The following NOL4 variants were observed in gnomAD, a reference collection of about 807,000 sequenced individuals.
NOL4 encodes nucleolar protein 4.
In NOL4, 17 loss-of-function variants were observed where a neutral mutation model predicts 75.9. The observed-to-expected ratio is 0.22, with a 90% CI of 0.15 to 0.34. The LOEUF (loss-of-function observed/expected upper bound fraction) is 0.34, where lower values mean the gene tolerates loss of function less well. Among genes scored for constraint, NOL4 ranks in the 10% least tolerant of loss-of-function variants. The probability of loss-of-function intolerance (pLI) is 1.00; values close to 1 mark genes in which losing one functional copy is unlikely to be tolerated. For missense variants in NOL4, 614 were observed against 793.5 expected, an observed-to-expected ratio of 0.77 and a Z score of 2.72; for synonymous variants, 292 against 289.9, an observed-to-expected ratio of 1.01 and a Z score of -0.07.
chr18:34,210,498 T>C (rs1348167477), intron 1 of NOL4, among the ~76,000 whole-genome samples: 2 of 152,210 alleles, frequency 1.3e-5, no homozygotes, highest in Non-Finnish European at 2.9e-5. Context: ...ACATAACCAA[T>C]GCTATGCCTG....
intron 2 of NOL4, among the ~76,000 whole-genome samples, chr18:34,113,959 C>G (rs998920021): frequency 6.6e-6 from 1 of 152,108 alleles, no homozygotes; most frequent in African/African-American, 2.4e-5. Context: ...GGGACATGTC[C>G]CTCAAGGTAG....
intron 1 of NOL4, among the ~76,000 whole-genome samples, chr18:34,176,885 A>ACTGCCAGT (rs2033599255): frequency 6.6e-6 from 1 of 152,064 alleles, no homozygotes; most frequent in Non-Finnish European, 1.5e-5. Flanking sequence ...TACATCACAA[A>ACTGCCAGT]CTGTCAGTAG....
At chr18:34,070,756 T>C (rs1445297355) in intron 5 of NOL4, among the ~76,000 whole-genome samples, 3 of 152,120 alleles carry the variant, frequency 2.0e-5, no homozygotes, top group Admixed American at 6.6e-5. Flanking sequence ...GAAAGAAACA[T>C]AGCTTAAAAG....
intron 6 of NOL4, among the ~76,000 whole-genome samples, chr18:33,973,766 G>T (rs2071267041): frequency 6.6e-6 from 1 of 152,202 alleles, no homozygotes; most frequent in Admixed American, 6.6e-5. Flanking sequence ...ATTCTGACCA[G>T]TAAGTCTCAA....
chr18:34,185,615 A>C lies in NOL4; in HGVS notation c.264+37375T>G, dbSNP rs534965518. 3.3e-5 allele frequency among the ~76,000 whole-genome samples: 5 copies of C among 152,316 alleles called. No homozygotes were observed. In the South Asian group the frequency reaches 1.0e-3, roughly 32 times the overall value. On this transcript the variant is annotated intron_variant, in intron 1 of 10. Coordinates refer to ENST00000261592, the MANE Select transcript of NOL4 (RefSeq NM_003787.5). ...AAGCTTTTCAGCTCTTGTCAGACCC[A>C]ACTCTACTCTTTTCAATTGTGTTCC...
chr18:33,877,018 C>T (rs1408607328), intron 10 of NOL4, among the ~76,000 whole-genome samples: 1 of 152,010 alleles, frequency 6.6e-6, no homozygotes, highest in African/African-American at 2.4e-5. Flanking sequence ...GTGTTTTGAT[C>T]TTTGTTGTTG....
chr18:34,091,136 G>A (rs1452717360), intron 5 of NOL4, among the ~76,000 whole-genome samples: 1 of 151,020 alleles, frequency 6.6e-6, no homozygotes, highest in East Asian at 2.0e-4. Context: ...GATAACTTGA[G>A]GTCAGGAGTT....
At chr18:34,133,980 G>A (rs1050540954) in intron 1 of NOL4, among the ~76,000 whole-genome samples, 1 of 152,070 alleles carries the variant, frequency 6.6e-6, no homozygotes, top group Non-Finnish European at 1.5e-5. Context: ...CTGAGATCAC[G>A]CCACTGCACT....
intron 5 of NOL4, among the ~76,000 whole-genome samples, chr18:34,074,217 T>G (rs2145302791): frequency 6.6e-6 from 1 of 151,838 alleles, no homozygotes; most frequent in African/African-American, 2.4e-5. Context: ...ATATTCATAT[T>G]TTTTAATATT....
intron 10 of NOL4, among the ~76,000 whole-genome samples, chr18:33,860,207 C>A (rs893530107): frequency 6.6e-6 from 1 of 152,042 alleles, no homozygotes; most frequent in African/African-American, 2.4e-5. Context: ...AGGTCCCTCC[C>A]AAAACACATG....
rs2074921423 is a variant in NOL4, at chr18:34,019,599, C to A, written c.775G>T (p.Asp259Tyr). The A allele has an allele frequency of 6.2e-7, 1 of 1,608,512 alleles. No individual in the cohort carries two copies. The highest frequency in any genetic ancestry group is 2.2e-5 in the East Asian group (1 of 44,708). ...PQNLHGQQDD[D>Y]SAAESFNGNE... ...CCATTAAAGCTCTCTGCAGCAGAATCATCTGTTGGAAAGGAAAAGTTATAT... is the reference window on the plus strand; with the variant it reads ...CCATTAAAGCTCTCTGCAGCAGAATAATCTGTTGGAAAGGAAAAGTTATAT... Residue 259 changes from aspartate to tyrosine, a missense_variant and splice_region_variant, in exon 6 of 11, where the codon GAT becomes TAT. By Grantham distance (160) the Asp-to-Tyr change is radical. Transcript: ENST00000261592.
Position 34,086,518 on chromosome 18 carries a change from A to T in NOL4, c.772+6947T>A, listed in dbSNP as rs146240093. Among the ~76,000 whole-genome samples the T allele has an allele frequency of 5.4e-3, 824 of 152,244 alleles. 8 individuals are homozygous for T. The highest frequency in any genetic ancestry group is 0.018 in the African/African-American group (762 of 41,546). On this transcript the variant is annotated intron_variant, in intron 5 of 10. Transcript: ENST00000261592. ...CTGAATTTAATTTCCTATTCAGTAT[A>T]CTGTTTTACATCACTTTTATTAAAA...
chr18:33,871,873 G>A (rs980621710), intron 10 of NOL4, among the ~76,000 whole-genome samples: 1 of 152,026 alleles, frequency 6.6e-6, no homozygotes, highest in African/African-American at 2.4e-5. Context: ...GGCCTTTCTT[G>A]GAGGCTTTCT....
chr18:33,876,581 T>C (rs531374432), intron 10 of NOL4, among the ~76,000 whole-genome samples: 13 of 152,226 alleles, frequency 8.5e-5, no homozygotes, highest in African/African-American at 2.9e-4. Context: ...TTTATGCATA[T>C]GTATGTAGTT....
chr18:34,136,901 A>G (rs553257698), intron 1 of NOL4, among the ~76,000 whole-genome samples: 45 of 152,232 alleles, frequency 3.0e-4, no homozygotes, highest in African/African-American at 1.1e-3. Context: ...ACACTTCTTA[A>G]TTTCAAAGCT....
chr18:34,105,408 A>G (rs900386620), intron 2 of NOL4, among the ~76,000 whole-genome samples: 4 of 151,986 alleles, frequency 2.6e-5, no homozygotes, highest in Non-Finnish European at 2.9e-5. Flanking sequence ...GCATCTGTTT[A>G]TATTTTGCAT....
intron 10 of NOL4, among the ~76,000 whole-genome samples, chr18:33,875,917 G>C (rs548294356): frequency 1.3e-5 from 2 of 152,100 alleles, no homozygotes; most frequent in East Asian, 3.9e-4. Flanking sequence ...ATAGGTATTA[G>C]AATAAAGACA....
intron 9 of NOL4, among the ~76,000 whole-genome samples, chr18:33,887,950 G>C (rs762604925): frequency 8.5e-5 from 13 of 152,138 alleles, no homozygotes; most frequent in Non-Finnish European, 1.8e-4. Flanking sequence ...TGGGATGGCT[G>C]GGTCAAATGG....
intron 1 of NOL4, among the ~76,000 whole-genome samples, chr18:34,135,699 A>AAAAAAAAAG (rs2080862698): frequency 6.7e-6 from 1 of 150,262 alleles, no homozygotes; most frequent in Non-Finnish European, 1.5e-5. Flanking sequence ...CTCCATCTCA[A>AAAAAAAAAG]AAAAAAAAAA....
Sources: allele counts gnomAD v4.1 joint callset (sites outside exome capture counted in the v4.1 genomes callset), GRCh38; gene constraint gnomAD v4.1.1; transcripts MANE v1.5; gene names NCBI Gene and HGNC (gene_info 2026-07-23, HGNC 2026-07-21).